GRM5: variants seen among roughly 807,000 people sequenced by gnomAD.
GRM5 encodes metabotropic glutamate receptor 5.
A neutral mutation model predicts 83.1 loss-of-function variants in GRM5; 19 were observed. The ratio of observed to expected loss-of-function variants is 0.23; its 90% CI spans 0.16 to 0.34. GRM5 has a LOEUF of 0.34. Among genes scored for constraint, GRM5 ranks in the 10% least tolerant of loss-of-function variants. GRM5 has a pLI of 1.00. For missense variants in GRM5, 1,160 were observed against 1,588.3 expected (o/e 0.73, Z 4.58); for synonymous variants, 675 against 633.6 (o/e 1.07, Z -0.98).
chr11:89,058,964 CTT>C (rs1388499904), intron 1 of GRM5, among the ~76,000 whole-genome samples: 1 of 151,966 alleles, frequency 6.6e-6, no homozygotes, highest in Non-Finnish European at 1.5e-5. Flanking sequence ...ACTTCTATGT[CTT>C]TGAATAATTC....
chr11:88,766,366 C>A (rs1942624712), intron 3 of GRM5, among the ~76,000 whole-genome samples: 1 of 151,978 alleles, frequency 6.6e-6, no homozygotes. Flanking sequence ...GACAAATAGA[C>A]AAATGGAATG....
chr11:88,670,556 T>C (rs1366631407), intron 3 of GRM5, among the ~76,000 whole-genome samples: 1 of 70,200 alleles, frequency 1.4e-5, no homozygotes, highest in Admixed American at 1.5e-4. Flanking sequence ...GCAAAAAGTC[T>C]GAAAACGACT....
intron 4 of GRM5, among the ~76,000 whole-genome samples, chr11:88,643,828 A>G (rs1939363671): frequency 6.6e-6 from 1 of 152,214 alleles, no homozygotes; most frequent in African/African-American, 2.4e-5. Context: ...AGCTATGGCT[A>G]AGCCATTAAT....
chr11:88,556,386 A>T (rs764829058), intron 8 of GRM5, among the ~76,000 whole-genome samples: 2 of 149,730 alleles, frequency 1.3e-5, no homozygotes, highest in African/African-American at 2.5e-5. Flanking sequence ...GCAATGGCGC[A>T]ATCTTGGCTC....
At chr11:88,855,027 T>C (rs540877218) in intron 2 of GRM5, among the ~76,000 whole-genome samples, 4 of 151,962 alleles carry the variant, frequency 2.6e-5, no homozygotes, top group Non-Finnish European at 5.9e-5. Context: ...AGATTTTCAT[T>C]TTTCTGGCAA....
chr11:89,000,098 G>C (rs1282422475), intron 2 of GRM5, among the ~76,000 whole-genome samples: 11 of 152,090 alleles, frequency 7.2e-5, no homozygotes, highest in Admixed American at 6.5e-4. Flanking sequence ...TGGGGTGAGG[G>C]GAAGGGGGAG....
At chr11:88,782,778 G>T (rs1176714227) in intron 3 of GRM5, among the ~76,000 whole-genome samples, 2 of 152,020 alleles carry the variant, frequency 1.3e-5, no homozygotes, top group Non-Finnish European at 2.9e-5. Flanking sequence ...AATTCACATG[G>T]TCCAAAGCTG....
intron 2 of GRM5, among the ~76,000 whole-genome samples, chr11:88,968,235 G>A (rs1004471297): frequency 7.9e-5 from 12 of 152,104 alleles, no homozygotes; most frequent in Non-Finnish European, 1.6e-4. Flanking sequence ...TGGTCAGCTG[G>A]AAGAATATGA....
At chr11:89,039,879 C>A (rs796139501) in intron 2 of GRM5, among the ~76,000 whole-genome samples, 4 of 152,312 alleles carry the variant, frequency 2.6e-5, no homozygotes, top group African/African-American at 9.6e-5. Flanking sequence ...TCGCTCACTT[C>A]AGCCTCAACC....
chr11:88,578,665 T>C (rs1408902866), intron 7 of GRM5, among the ~76,000 whole-genome samples: 1 of 152,176 alleles, frequency 6.6e-6, no homozygotes. Flanking sequence ...AGTTTAAATA[T>C]ACTGACTTTT....
intron 3 of GRM5, among the ~76,000 whole-genome samples, chr11:88,685,534 C>T (rs1342552736): frequency 1.3e-5 from 2 of 152,178 alleles, no homozygotes; most frequent in Admixed American, 6.5e-5. Context: ...TGTTAATCCC[C>T]AAGACAATGG....
intron 2 of GRM5, among the ~76,000 whole-genome samples, chr11:88,889,002 T>C (rs1424502324): frequency 1.3e-5 from 2 of 152,204 alleles, no homozygotes; most frequent in Non-Finnish European, 2.9e-5. Context: ...TTTGCTGACT[T>C]CTTATGCTAA....
chr11:88,827,697 T>C (rs1267974500), intron 3 of GRM5, among the ~76,000 whole-genome samples: 1 of 152,204 alleles, frequency 6.6e-6, no homozygotes. Context: ...TGCTAAAATA[T>C]GGATTAAGGT....
chr11:88,784,120 C>T (rs1054642351), intron 3 of GRM5, among the ~76,000 whole-genome samples: 11 of 151,942 alleles, frequency 7.2e-5, no homozygotes, highest in Non-Finnish European at 1.6e-4. Context: ...ATATTCTGTC[C>T]TCTAGGAAAT....
chr11:88,946,391 C>A (rs1590986962), intron 2 of GRM5, among the ~76,000 whole-genome samples: 1 of 152,184 alleles, frequency 6.6e-6, no homozygotes. Context: ...AGGTATATAT[C>A]CAAAACAAAA....
intron 3 of GRM5, among the ~76,000 whole-genome samples, chr11:88,718,003 T>C (rs1285669902): frequency 6.6e-6 from 1 of 151,872 alleles, no homozygotes; most frequent in African/African-American, 2.4e-5. Context: ...AAAATATAAT[T>C]CTTTTGCTTA....
chr11:89,051,914 T>C (rs1275386597), intron 1 of GRM5, among the ~76,000 whole-genome samples: 2 of 152,144 alleles, frequency 1.3e-5, no homozygotes, highest in Non-Finnish European at 2.9e-5. Flanking sequence ...ACAGTAGATA[T>C]TGAGAAAAGT....
At chr11:88,612,343 AC>A (rs367609760) in intron 4 of GRM5, among the ~76,000 whole-genome samples, 8,913 of 149,782 alleles carry the variant, frequency 0.06, 223 homozygotes, top group East Asian at 0.17. Flanking sequence ...TATATGTGCC[AC>A]ATTTTCTTAA....
intron 3 of GRM5, among the ~76,000 whole-genome samples, chr11:88,832,950 T>C (rs1944022075): frequency 6.6e-6 from 1 of 152,120 alleles, no homozygotes; most frequent in Non-Finnish European, 1.5e-5. Flanking sequence ...ACTCTCATGA[T>C]ATATAAAAAC....
Sources: gnomAD v4.1 joint callset for allele counts (sites outside exome capture counted in the v4.1 genomes callset) on GRCh38, gnomAD v4.1.1 for gene constraint, MANE v1.5 for transcripts, NCBI Gene and HGNC (gene_info 2026-07-23, HGNC 2026-07-21) for gene names.